The following MAGI1 variants were observed in gnomAD, a reference collection of about 807,000 sequenced individuals.
MAGI1 encodes the protein membrane-associated guanylate kinase, WW and PDZ domain-containing protein 1.
In MAGI1, 58 loss-of-function variants were observed where a neutral mutation model predicts 139.9. That is an observed-to-expected ratio of 0.41 (90% CI 0.34 to 0.52). The LOEUF (loss-of-function observed/expected upper bound fraction) is 0.52, where lower values mean the gene tolerates loss of function less well. MAGI1 is among the 20% of genes least tolerant of loss of function. The pLI, the probability that MAGI1 is intolerant of heterozygous loss-of-function variation, is 0.12. For missense variants in MAGI1, 1,874 were observed against 1,901.6 expected, an observed-to-expected ratio of 0.99 and a Z score of 0.27; for synonymous variants, 812 against 737.9, an observed-to-expected ratio of 1.10 and a Z score of -1.63.
rs1253435784 is a variant in MAGI1 at position 65,354,907 on chromosome 3, T to C, written c.*1471A>G. ...TCTTTTTTTTTTTCTTTTTCCTTTTTTTTTTTCTTACAGTACCATGGGAAC... is the reference window on the plus strand; with the variant it reads ...TCTTTTTTTTTTTCTTTTTCCTTTTCTTTTTTCTTACAGTACCATGGGAAC... On this transcript the variant is annotated 3_prime_UTR_variant, in exon 23 of 23. Coordinates refer to ENST00000402939, the MANE Select transcript of MAGI1 (RefSeq NM_001033057.2). 1.3e-5 allele frequency: 2 copies of C among 152,410 alleles called. No individual in the cohort carries two copies. The highest frequency in any genetic ancestry group is 1.3e-4 in the Admixed American group (2 of 15,272). The allele number at this position is 152,410 out of a possible 1,614,324, so 9.4% of individuals were successfully genotyped here.
chr3:65,559,566 G>T (rs1198854878), intron 2 of MAGI1, among the ~76,000 whole-genome samples: 1 of 152,104 alleles, frequency 6.6e-6, no homozygotes, highest in Non-Finnish European at 1.5e-5. Flanking sequence ...TTCATACAGT[G>T]CTTACTGTGT....
At chr3:65,707,743 T>C (rs1419975167) in intron 1 of MAGI1, among the ~76,000 whole-genome samples, 1 of 149,884 alleles carries the variant, frequency 6.7e-6, no homozygotes, top group Non-Finnish European at 1.5e-5. Context: ...AAAAGATAAT[T>C]ATTAAGCCAC....
chr3:65,357,282 T>G, intron 22 of MAGI1, 150 bp from the exon 23 acceptor site: 1 of 795,632 alleles, frequency 1.3e-6, no homozygotes. Context: ...TCTGTTAACT[T>G]AAGGATAACT....
chr3:65,417,453 C>T (rs1301698024), intron 12 of MAGI1, among the ~76,000 whole-genome samples: 4 of 150,756 alleles, frequency 2.7e-5, no homozygotes, highest in African/African-American at 9.8e-5. Flanking sequence ...TCACATGGAA[C>T]CAAAGTAAGG....
At chr3:65,839,461 C>T (rs2058734459) in intron 1 of MAGI1, among the ~76,000 whole-genome samples, 1 of 151,614 alleles carries the variant, frequency 6.6e-6, no homozygotes, top group Non-Finnish European at 1.5e-5. Flanking sequence ...AGGAAGCATT[C>T]CAGAAGAGGA....
intron 12 of MAGI1, among the ~76,000 whole-genome samples, chr3:65,405,496 T>A (rs1945258102): frequency 6.6e-6 from 1 of 152,198 alleles, no homozygotes; most frequent in Non-Finnish European, 1.5e-5. Flanking sequence ...ATGCGTGGCT[T>A]TATTAACTAT....
chr3:65,962,694 C>G (rs543823984), intron 1 of MAGI1, among the ~76,000 whole-genome samples: 15 of 151,350 alleles, frequency 9.9e-5, no homozygotes, highest in Admixed American at 7.2e-4. Flanking sequence ...GCGTGGTGGC[C>G]CACATCTGTA....
chr3:65,951,490 G>A (rs992449628), intron 1 of MAGI1, among the ~76,000 whole-genome samples: 7 of 152,090 alleles, frequency 4.6e-5, no homozygotes, highest in Non-Finnish European at 8.8e-5. Flanking sequence ...TATAAATTAC[G>A]CATCTGATTC....
chr3:65,870,623 AAGAC>A (rs1304195975), intron 1 of MAGI1, among the ~76,000 whole-genome samples: 2 of 146,430 alleles, frequency 1.4e-5, no homozygotes, highest in African/African-American at 5.0e-5. Flanking sequence ...AAGACAGAGA[AAGAC>A]AGGAGAGAGG....
In MAGI1 at chr3:65,478,794, G is replaced by T; in HGVS notation, c.555C>A (p.Asn185Lys). Reference sequence around the variant, plus strand: ...TAGGAGGCTTGGGTGTCCCATAATAGTTTCCTAGGTGATGGAGAGACACAT... The same window carrying T: ...TAGGAGGCTTGGGTGTCCCATAATATTTTCCTAGGTGATGGAGAGACACAT... ...TLLEVGTYEGNYYGTPKPPSQ... is the reference protein window; with the variant it reads ...TLLEVGTYEGKYYGTPKPPSQ... The change falls in exon 4 of 23, where the codon AAC becomes AAA. Residue 185 changes from asparagine (N) to lysine (K), a missense_variant. Asn to Lys is a moderately conservative substitution (Grantham distance 94). Transcript: ENST00000402939. 6.2e-7 allele frequency: 1 copy of T among 1,611,542 alleles called. No homozygotes were observed. Among genetic ancestry groups the T allele is most frequent in the Non-Finnish European group, 8.5e-7 (1 of 1,178,032 alleles).
At chr3:66,002,470 C>T (rs2066794943) in intron 1 of MAGI1, among the ~76,000 whole-genome samples, 1 of 151,918 alleles carries the variant, frequency 6.6e-6, no homozygotes, top group South Asian at 2.1e-4. Context: ...TCTGAAATGA[C>T]TTGATGCTGC....
chr3:65,469,458 T>C (rs1425344859), intron 5 of MAGI1, among the ~76,000 whole-genome samples: 1 of 152,130 alleles, frequency 6.6e-6, no homozygotes, highest in Non-Finnish European at 1.5e-5. Context: ...TTATCTTAGA[T>C]TTTCCAGAAT....
chr3:65,498,177 T>C (rs1292242310), intron 2 of MAGI1, among the ~76,000 whole-genome samples: 2 of 152,112 alleles, frequency 1.3e-5, no homozygotes, highest in African/African-American at 2.4e-5. Context: ...TTGGGTACAA[T>C]TATTATAAAC....
At chr3:65,424,633 G>T (rs915323183) in intron 12 of MAGI1, among the ~76,000 whole-genome samples, 7 of 152,030 alleles carry the variant, frequency 4.6e-5, no homozygotes, top group African/African-American at 1.7e-4. Context: ...TATTCTCCTT[G>T]GAAGTAGAAA....
chr3:65,357,114 T>C lies in MAGI1; in HGVS notation c.3653A>G (p.His1218Arg), dbSNP rs368993221. ...ACCTTGTGGACCGGTGGCGGGGCCG[T>C]GGCGGTCGCTGCTGGGGTCTGCCAG... Reference protein sequence around the residue: ...VPEYDPSSDRHGPATGPQGVP... With the variant: ...VPEYDPSSDRRGPATGPQGVP... The change falls in exon 23 of 23, where the codon CAC becomes CGC. Residue 1218 changes from histidine (H) to arginine (R), a missense_variant. Transcript: ENST00000402939. The C allele has an allele frequency of 2.0e-5, 32 of 1,611,770 alleles. No individual in the cohort carries two copies. In the African/African-American group the frequency reaches 4.0e-4, roughly 20 times the overall value.
intron 1 of MAGI1, among the ~76,000 whole-genome samples, chr3:66,005,847 CAGAG>C (rs112889437): frequency 0.083 from 12,629 of 152,028 alleles, 741 homozygotes; most frequent in African/African-American, 0.16. Flanking sequence ...GACAAATAAA[CAGAG>C]AGGGAAAGGG....
intron 1 of MAGI1, among the ~76,000 whole-genome samples, chr3:65,986,572 T>G (rs1414750479): frequency 6.6e-6 from 1 of 152,192 alleles, no homozygotes; most frequent in Non-Finnish European, 1.5e-5. Flanking sequence ...CCCGATTTCC[T>G]TTTCAAGATG....
intron 12 of MAGI1, among the ~76,000 whole-genome samples, chr3:65,416,396 A>G (rs1020973524): frequency 6.6e-6 from 1 of 152,220 alleles, no homozygotes; most frequent in South Asian, 2.1e-4. Flanking sequence ...ACAACCTTGC[A>G]ACAAATACAA....
chr3:65,781,829 A>G (rs1007627984), intron 1 of MAGI1, among the ~76,000 whole-genome samples: 3 of 152,232 alleles, frequency 2.0e-5, no homozygotes, highest in Admixed American at 1.3e-4. Context: ...CAACTACGCA[A>G]ACACAGAGAG....
Sources: gnomAD v4.1 joint callset for allele counts (sites outside exome capture counted in the v4.1 genomes callset) on GRCh38, gnomAD v4.1.1 for gene constraint, MANE v1.5 for transcripts, NCBI Gene and HGNC (gene_info 2026-07-23, HGNC 2026-07-21) for gene names.